The following CEP112 variants were observed in gnomAD, a reference collection of about 807,000 sequenced individuals.
CEP112 encodes the protein centrosomal protein 112.
CEP112 carries 127 observed loss-of-function variants against 153.0 expected under a neutral mutation model. The observed-to-expected ratio is 0.83, with a 90% CI of 0.72 to 0.96. The LOEUF (loss-of-function observed/expected upper bound fraction) is 0.96. CEP112 is among the 40% of genes least tolerant of loss of function. The pLI is 0.00. For synonymous variants in CEP112, 358 were observed against 374.4 expected, an observed-to-expected ratio of 0.96 and a Z score of 0.51; for missense variants, 1,089 against 1,101.2, an observed-to-expected ratio of 0.99 and a Z score of 0.16.
At position 65,997,071 on chromosome 17, in the gene CEP112, C is replaced by T. The variant is rs186575317; in HGVS notation, c.1736+8619G>A. ...TAAAATACAAAATAAATTAGGCAGGCGTGGTGGTGTGCACCTGTAGTCCCA... is the reference window on the plus strand; with the variant it reads ...TAAAATACAAAATAAATTAGGCAGGTGTGGTGGTGTGCACCTGTAGTCCCA... On this transcript the variant is annotated intron_variant, in intron 17 of 26. Transcript: ENST00000535342. Among the ~76,000 whole-genome samples, 130 of 152,084 alleles carry T rather than the reference C, an allele frequency of 8.5e-4. 3 individuals are homozygous for T. The South Asian group carries it at 8.7e-3, about 10-fold the overall frequency.
In CEP112 at chr17:65,873,938, T is replaced by C. The variant is rs1270981104; in HGVS notation, c.2164-21904A>G. On this transcript the variant is annotated intron_variant, in intron 20 of 26. Transcript: ENST00000535342. ...TTTTCCCAGTCCTGTGTGATTACAA[T>C]TGAGTGTATATAATAAAGTAGATGC... Among the ~76,000 whole-genome samples the C allele has an allele frequency of 7.2e-5, 11 of 152,304 alleles. No individual in the cohort carries two copies. In the East Asian group the frequency reaches 2.1e-3, roughly 29 times the overall value.
chr17:65,809,627 T>C (rs563926232), intron 21 of CEP112, among the ~76,000 whole-genome samples: 1 of 152,298 alleles, frequency 6.6e-6, no homozygotes, highest in East Asian at 1.9e-4. Flanking sequence ...GTACTAGTTA[T>C]GATATGAAGA....
intron 6 of CEP112, among the ~76,000 whole-genome samples, chr17:66,100,175 G>A (rs755327518): frequency 2.1e-4 from 32 of 151,804 alleles, no homozygotes; most frequent in Non-Finnish European, 1.0e-4. Flanking sequence ...CGAGGTGGGC[G>A]GATCACAAGG....
intron 18 of CEP112, among the ~76,000 whole-genome samples, chr17:65,933,188 A>G (rs1408416253): frequency 6.6e-6 from 1 of 152,126 alleles, no homozygotes; most frequent in Non-Finnish European, 1.5e-5. Context: ...ATTATGGGAC[A>G]CCATCAAGAG....
chr17:65,730,321 C>A (rs1409742454), intron 23 of CEP112, among the ~76,000 whole-genome samples: 4 of 152,174 alleles, frequency 2.6e-5, no homozygotes, highest in Non-Finnish European at 5.9e-5. Flanking sequence ...CTTCTCCTTG[C>A]TCTAGGAAGC....
intron 20 of CEP112, among the ~76,000 whole-genome samples, chr17:65,867,092 G>A (rs7208926): frequency 0.4 from 61,050 of 152,014 alleles, 12,842 homozygotes; most frequent in East Asian, 0.78. Flanking sequence ...AAAGCTCTGC[G>A]GTTCCTGATG....
At chr17:66,177,265 A>G (rs2072522227) in intron 2 of CEP112, among the ~76,000 whole-genome samples, 1 of 152,226 alleles carries the variant, frequency 6.6e-6, no homozygotes, top group African/African-American at 2.4e-5. Flanking sequence ...ATGTTCCAAT[A>G]AAACCTGGCA....
chr17:65,638,740 T>C (rs760567379), intron 25 of CEP112, among the ~76,000 whole-genome samples: 6 of 152,212 alleles, frequency 3.9e-5, no homozygotes, highest in Non-Finnish European at 7.3e-5. Flanking sequence ...CTGTATGGCC[T>C]GTGACTCCTG....
At chr17:65,733,204 G>C (rs1266251181) in intron 23 of CEP112, among the ~76,000 whole-genome samples, 1 of 152,104 alleles carries the variant, frequency 6.6e-6, no homozygotes, top group Non-Finnish European at 1.5e-5. Flanking sequence ...AGAGAGATGG[G>C]GGAATGGCCA....
At chr17:65,748,459 T>C (rs577321759) in intron 22 of CEP112, among the ~76,000 whole-genome samples, 2 of 152,298 alleles carry the variant, frequency 1.3e-5, no homozygotes, top group East Asian at 1.9e-4. Flanking sequence ...CCCAAAAACA[T>C]GGTGTCTGAA....
intron 20 of CEP112, among the ~76,000 whole-genome samples, chr17:65,868,281 A>G (rs971568038): frequency 2.0e-5 from 3 of 152,070 alleles, no homozygotes; most frequent in African/African-American, 4.8e-5. Flanking sequence ...AGACGGATCA[A>G]TTGAGGTCAG....
intron 21 of CEP112, among the ~76,000 whole-genome samples, chr17:65,793,679 A>G (rs960610410): frequency 1.3e-5 from 2 of 152,158 alleles, no homozygotes; most frequent in African/African-American, 2.4e-5. Context: ...TCTCAGCCTT[A>G]CTTAGTCCAT....
chr17:66,068,457 A>C (rs547220172), intron 9 of CEP112, among the ~76,000 whole-genome samples: 14 of 152,264 alleles, frequency 9.2e-5, no homozygotes, highest in Middle Eastern at 3.4e-3. Flanking sequence ...CCATCTCTGG[A>C]TAATAATAGC....
intron 20 of CEP112, among the ~76,000 whole-genome samples, chr17:65,858,093 A>G (rs1286862527): frequency 6.6e-6 from 1 of 152,148 alleles, no homozygotes; most frequent in African/African-American, 2.4e-5. Flanking sequence ...ATTTTTATAC[A>G]TTATTGGACT....
intron 18 of CEP112, among the ~76,000 whole-genome samples, chr17:65,943,702 C>T (rs2061568732): frequency 6.6e-6 from 1 of 152,086 alleles, no homozygotes; most frequent in Non-Finnish European, 1.5e-5. Flanking sequence ...GGTTGATCTT[C>T]TCATGGAGTA....
chr17:65,664,455 G>T (rs1230378843), intron 24 of CEP112, among the ~76,000 whole-genome samples: 1 of 152,150 alleles, frequency 6.6e-6, no homozygotes, highest in Non-Finnish European at 1.5e-5. Context: ...CTGAGCAGGG[G>T]AATAACATGA....
At chr17:65,996,129 CGTGT>C (rs3055983) in intron 17 of CEP112, among the ~76,000 whole-genome samples, 74,831 of 145,424 alleles carry the variant, frequency 0.51, 19,835 homozygotes, top group Non-Finnish European at 0.59. Context: ...GAAAAATATA[CGTGT>C]GTGTGTGTGT....
intron 23 of CEP112, among the ~76,000 whole-genome samples, chr17:65,713,172 T>C (rs1236808618): frequency 6.6e-6 from 1 of 152,146 alleles, no homozygotes; most frequent in Non-Finnish European, 1.5e-5. Flanking sequence ...TTTATGGAAA[T>C]GCATAATATG....
chr17:66,097,351 A>G (rs2068390926), intron 6 of CEP112, among the ~76,000 whole-genome samples: 1 of 152,164 alleles, frequency 6.6e-6, no homozygotes, highest in South Asian at 2.1e-4. Context: ...CTACTACTCC[A>G]GTAGTACCCT....
Sources: gnomAD v4.1 joint callset for allele counts (sites outside exome capture counted in the v4.1 genomes callset) on GRCh38, gnomAD v4.1.1 for gene constraint, MANE v1.5 for transcripts, NCBI Gene and HGNC (gene_info 2026-07-23, HGNC 2026-07-21) for gene names.